Variants in TTLL10 observed in about 807,000 individuals in gnomAD.
TTLL10 encodes inactive polyglycylase TTLL10.
TTLL10 carries 61 observed loss-of-function variants against 69.0 expected under a neutral mutation model. The observed-to-expected ratio is 0.88, with a 90% CI of 0.72 to 1.09. TTLL10 has a LOEUF of 1.09. TTLL10 is among the 50% of genes least tolerant of loss of function. The probability of loss-of-function intolerance (pLI) is 0.00; values close to 1 mark genes in which losing one functional copy is unlikely to be tolerated. For synonymous variants in TTLL10, 408 were observed against 393.3 expected (o/e 1.04, Z -0.44); for missense variants, 962 against 945.9 (o/e 1.02, Z -0.22).
chr1:1,185,557 T>C lies in TTLL10; in HGVS notation c.1401+448T>C, dbSNP rs1647258412. The C allele has an allele frequency of 1.0e-6, 1 of 995,858 alleles. No homozygotes were observed. The highest frequency in any genetic ancestry group is 1.7e-5 in the African/African-American group (1 of 57,596). 61.7% of individuals were successfully genotyped at this position (995,858 alleles called of 1,614,324 possible). On this transcript the variant is annotated intron_variant, in intron 13 of 15. Coordinates refer to ENST00000379289, the MANE Select transcript of TTLL10 (RefSeq NM_001130045.2). The surrounding 1 kb of genome is among the most constrained non-coding windows in gnomAD (Gnocchi z 6.1). ...GCCATGTGCGGTGGAGTGTCCTAAT[T>C]TTGCAGGGTTCCTTTCTGTGGGGGT...
In TTLL10 at chr1:1,182,019, C is replaced by T. The variant is rs537494131; in HGVS notation, c.830+204C>T. 5.3e-3 allele frequency among the ~76,000 whole-genome samples: 806 copies of T among 152,314 alleles called. 8 individuals are homozygous for T. Among genetic ancestry groups the T allele is most frequent in the Middle Eastern group, 0.01 (3 of 294 alleles). On this transcript the variant is annotated intron_variant, in intron 9 of 15. Coordinates refer to ENST00000379289, the MANE Select transcript of TTLL10 (RefSeq NM_001130045.2). ...GGGGCAGGGCCAGGGGCTCAGGCCACGCTCTCCGCCCATCCCAGCCGTGAG... is the reference window on the plus strand; with the variant it reads ...GGGGCAGGGCCAGGGGCTCAGGCCATGCTCTCCGCCCATCCCAGCCGTGAG...
chr1:1,180,869 G>C lies in TTLL10; in HGVS notation c.755+9G>C. 1 of 1,547,214 alleles carries C rather than the reference G, an allele frequency of 6.5e-7. No individual in the cohort carries two copies. The highest frequency in any genetic ancestry group is 8.7e-7 in the Non-Finnish European group (1 of 1,145,434). ...GGGGGGGTCCAGGCCAGGTGAGTCT[G>C]CCCCTGCCCCTGCCCCCGTCCCTGC... On this transcript the variant is annotated intron_variant, in intron 8 of 15. Coordinates refer to ENST00000379289, the MANE Select transcript of TTLL10 (RefSeq NM_001130045.2).
intron 14 of TTLL10, 72 bp downstream of exon 14, chr1:1,196,788 A>G (rs995205279): frequency 4.5e-6 from 5 of 1,110,988 alleles, no homozygotes; most frequent in Non-Finnish European, 6.7e-6. Context: ...CACCCTGACC[A>G]CACTGGCAGG....
intron 10 of TTLL10, 65 bp from the exon 11 acceptor site, chr1:1,182,811 G>C: frequency 1.3e-6 from 2 of 1,490,038 alleles, no homozygotes; most frequent in Non-Finnish European, 9.0e-7. Flanking sequence ...GGTCCTGGTC[G>C]GGCCCTAGGA....
At position 1,184,163 on chromosome 1, in the gene TTLL10, G is replaced by C. The variant is rs74536858; in HGVS notation, c.1260+72G>C. On this transcript the variant is annotated intron_variant, in intron 12 of 15. Coordinates refer to ENST00000379289, the MANE Select transcript of TTLL10 (RefSeq NM_001130045.2). ...ATTAGAAGGAGGTTCTCACTGCTAG[G>C]GGGTGCAGAGGGGGTGCAGCTACAG... 9.0e-3 allele frequency: 14,157 copies of C among 1,581,526 alleles called. 100 individuals are homozygous for C. Among genetic ancestry groups the C allele is most frequent in the Non-Finnish European group, 9.1e-3 (10,502 of 1,157,390 alleles).
At chr1:1,180,368 TC>T (rs1345461700) in intron 6 of TTLL10, 28 bp downstream of exon 6, 12 of 1,544,112 alleles carry the variant, frequency 7.8e-6, no homozygotes, top group Non-Finnish European at 1.0e-5. Context: ...GCGCCCGTGG[TC>T]CCACTGAATA....
chr1:1,187,342 C>G (rs550948669), intron 13 of TTLL10, among the ~76,000 whole-genome samples: 1 of 152,040 alleles, frequency 6.6e-6, no homozygotes, highest in African/African-American at 2.4e-5. Context: ...ATCTAAAAAT[C>G]CATTGTGCCA....
Position 1,179,685 on chromosome 1 carries a change from A to G in TTLL10, c.147A>G (p.Pro49=), listed in dbSNP as rs1268119555. 1 of 1,550,964 alleles carries G rather than the reference A, an allele frequency of 6.4e-7. No homozygotes were observed. ...SGTIPASRLH[P]APASQPGPCP... is the part of the protein sequence containing the mutation. Reference sequence around the variant, plus strand: ...CCATCCCTGCGTCACGTCTGCACCCAGCACCGGCCTCACAGCCCGGCCCCT... The same window carrying G: ...CCATCCCTGCGTCACGTCTGCACCCGGCACCGGCCTCACAGCCCGGCCCCT... The change falls in exon 5 of 16, where the codon CCA becomes CCG. Residue 49 remains proline, a synonymous_variant. Coordinates refer to ENST00000379289, the MANE Select transcript of TTLL10 (RefSeq NM_001130045.2).
Position 1,181,480 on chromosome 1 carries a change from C to T in TTLL10, c.756-261C>T, listed in dbSNP as rs1299947936. Among the ~76,000 whole-genome samples the T allele has an allele frequency of 6.6e-6, 1 of 152,040 alleles. No individual in the cohort carries two copies. Among genetic ancestry groups the T allele is most frequent in the East Asian group, 1.9e-4 (1 of 5,178 alleles). ...AGACATTTTTGCACCAAGCACCCGC[C>T]CAGCCAACCGCAGCTGCCTCCATCT... On this transcript the variant is annotated intron_variant, in intron 8 of 15. Coordinates refer to ENST00000379289, the MANE Select transcript of TTLL10 (RefSeq NM_001130045.2). The surrounding 1 kb of genome is among the most constrained non-coding windows in gnomAD (Gnocchi z 4.6).
chr1:1,188,700 C>G (rs890058782), intron 13 of TTLL10, among the ~76,000 whole-genome samples: 1 of 152,104 alleles, frequency 6.6e-6, no homozygotes, highest in African/African-American at 2.4e-5. Context: ...CCACCACACC[C>G]AGCCTCATCG....
At chr1:1,183,820 G>C in intron 11 of TTLL10, 100 bp from the exon 12 acceptor site, 1 of 1,470,366 alleles carries the variant, frequency 6.8e-7, no homozygotes, top group Non-Finnish European at 9.3e-7. Flanking sequence ...ACAGAGGCGG[G>C]GCGCTGAGGA....
intron 13 of TTLL10, among the ~76,000 whole-genome samples, chr1:1,186,473 G>C (rs937147969): frequency 1.3e-5 from 2 of 152,108 alleles, no homozygotes; most frequent in Non-Finnish European, 2.9e-5. Flanking sequence ...TTATTGAGCT[G>C]TTATGAATAA....
intron 10 of TTLL10, 27 bp from the exon 11 acceptor site, chr1:1,182,849 C>A: frequency 6.5e-7 from 1 of 1,533,758 alleles, no homozygotes; most frequent in South Asian, 1.2e-5. Flanking sequence ...GGGGCGAGGC[C>A]AGGGGCTCAG....
At chr1:1,189,360 C>T (rs1156585219) in intron 13 of TTLL10, among the ~76,000 whole-genome samples, 2 of 152,226 alleles carry the variant, frequency 1.3e-5, no homozygotes, top group African/African-American at 2.4e-5. Flanking sequence ...TCTGTCTCCA[C>T]TGAGATGAGT....
At position 1,182,862 on chromosome 1, in the gene TTLL10, C is replaced by A; in HGVS notation, c.917-14C>A. 6.4e-7 allele frequency: 1 copy of A among 1,552,146 alleles called. No homozygotes were observed. The highest frequency in any genetic ancestry group is 2.4e-5 in the East Asian group (1 of 41,988). On this transcript the variant is annotated splice_polypyrimidine_tract_variant and intron_variant, in intron 10 of 15. Coordinates refer to ENST00000379289, the MANE Select transcript of TTLL10 (RefSeq NM_001130045.2). Reference sequence around the variant, plus strand: ...TGGGGGCGAGGCCAGGGGCTCAGGCCGCGCTCTCTGCAGAAACCCAGATAT... The same window carrying A: ...TGGGGGCGAGGCCAGGGGCTCAGGCAGCGCTCTCTGCAGAAACCCAGATAT...
At chr1:1,182,263 A>G (rs902737087) in intron 9 of TTLL10, 98 bp from the exon 10 acceptor site, 92 of 1,093,444 alleles carry the variant, frequency 8.4e-5, no homozygotes, top group Non-Finnish European at 1.2e-4. Flanking sequence ...GCCACTGCCC[A>G]CACTCCCTCC....
chr1:1,175,177 T>C (rs79295821), intron 3 of TTLL10: 3,424 of 161,488 alleles, frequency 0.021, 61 homozygotes, highest in Middle Eastern at 0.041. Flanking sequence ...TCACAACTTA[T>C]TTAGTTATTT....
At chr1:1,184,538 G>T (rs946247946) in intron 12 of TTLL10, among the ~76,000 whole-genome samples, 4 of 152,222 alleles carry the variant, frequency 2.6e-5, no homozygotes, top group African/African-American at 9.6e-5. Flanking sequence ...GGGTCCTCAC[G>T]GCTGAAGGGG....
In TTLL10 at chr1:1,180,585, C is replaced by T. The variant is rs1043167046; in HGVS notation, c.609C>T (p.Tyr203=). The T allele has an allele frequency of 1.1e-5, 17 of 1,551,518 alleles. No homozygotes were observed. Among genetic ancestry groups the T allele is most frequent in the Admixed American group, 2.0e-5 (1 of 51,100 alleles). Residue 203 remains tyrosine, a synonymous_variant, in exon 7 of 16, where the codon TAC becomes TAT. Transcript: ENST00000379289. The part of the protein sequence containing the change: ...KWCEVKSRDS[Y]GSFREGEQLL... ...GTGAGGTCAAGAGCCGAGACAGCTACGGCAGCTTCCGGGAAGGTAGCGGGA... is the reference window on the plus strand; with the variant it reads ...GTGAGGTCAAGAGCCGAGACAGCTATGGCAGCTTCCGGGAAGGTAGCGGGA...
Sources: gnomAD v4.1 joint callset for allele counts (sites outside exome capture counted in the v4.1 genomes callset) on GRCh38, gnomAD v4.1.1 for gene constraint, Gnocchi (gnomAD v3.1) non-coding constraint, MANE v1.5 for transcripts, NCBI Gene and HGNC (gene_info 2026-07-23, HGNC 2026-07-21) for gene names.